Variants in BTBD9 observed in about 807,000 individuals in gnomAD.
The protein encoded by BTBD9 is BTB/POZ domain-containing protein 9.
Under a neutral mutation model 64.3 loss-of-function variants are expected in BTBD9, and 49 were observed. That is an observed-to-expected ratio of 0.76 (90% CI 0.61 to 0.97). The LOEUF (loss-of-function observed/expected upper bound fraction) is 0.97, where lower values mean the gene tolerates loss of function less well. Ranked by LOEUF, BTBD9 falls within the 50% of genes least tolerant of loss-of-function variation. BTBD9 has a pLI of 0.00. For synonymous variants in BTBD9, 260 were observed against 274.7 expected (o/e 0.95, Z 0.53); for missense variants, 598 against 762.1 (o/e 0.78, Z 2.53).
At chr6:38,259,498 G>A (rs1344246317) in intron 8 of BTBD9, among the ~76,000 whole-genome samples, 1 of 152,124 alleles carries the variant, frequency 6.6e-6, no homozygotes, top group African/African-American at 2.4e-5. Context: ...AAACTCCTGG[G>A]CTAAAGCAAT....
At chr6:38,421,507 C>T (rs572031212) in intron 6 of BTBD9, among the ~76,000 whole-genome samples, 13 of 152,228 alleles carry the variant, frequency 8.5e-5, no homozygotes, top group African/African-American at 1.4e-4. Flanking sequence ...AGCCTGACTT[C>T]GGTCTTCCTT....
Position 38,169,343 on chromosome 6 carries a change from C to T in BTBD9, c.*5642G>A, listed in dbSNP as rs1453634891. 1.3e-5 allele frequency: 2 copies of T among 152,340 alleles called. No homozygotes were observed. Among genetic ancestry groups the T allele is most frequent in the Non-Finnish European group, 2.9e-5 (2 of 68,142 alleles). 9.4% of individuals were successfully genotyped at this position (152,340 alleles called of 1,614,324 possible). The stretch of plus-strand genomic sequence containing the variant: ...GGGGCTGTGGTGCAGGAGCAGCCAC[C>T]AGGGCAGCACCAGGAGGCAAAGGCC... On this transcript the variant is annotated 3_prime_UTR_variant, in exon 11 of 11. Coordinates refer to ENST00000481247, the MANE Select transcript of BTBD9 (RefSeq NM_001099272.2).
intron 6 of BTBD9, among the ~76,000 whole-genome samples, chr6:38,565,603 A>G (rs528409346): frequency 6.6e-6 from 1 of 152,234 alleles, no homozygotes. Flanking sequence ...AAATCTGCAT[A>G]AAACAAATGA....
chr6:38,464,019 G>A (rs1014941146), intron 6 of BTBD9, among the ~76,000 whole-genome samples: 12 of 152,098 alleles, frequency 7.9e-5, no homozygotes, highest in African/African-American at 2.9e-4. Flanking sequence ...GGAACAAAGT[G>A]AGACCGTCTC....
chr6:38,391,797 A>C (rs1766429496), intron 6 of BTBD9, among the ~76,000 whole-genome samples: 1 of 152,214 alleles, frequency 6.6e-6, no homozygotes, highest in Admixed American at 6.5e-5. Flanking sequence ...GCGAAAAGGC[A>C]GGTGGCTCCC....
chr6:38,392,920 G>A (rs1407722037), intron 6 of BTBD9, among the ~76,000 whole-genome samples: 1 of 147,114 alleles, frequency 6.8e-6, no homozygotes, highest in Non-Finnish European at 1.5e-5. Flanking sequence ...TATCGCTCAG[G>A]CTAGAGTGCA....
rs957171305 is a variant in BTBD9 at position 38,374,739 on chromosome 6, C to T, written c.1155-29646G>A. Among the ~76,000 whole-genome samples the T allele has an allele frequency of 1.6e-4, 24 of 152,232 alleles. No homozygotes were observed. The South Asian group carries it at 1.7e-3, about 11-fold the overall frequency. On this transcript the variant is annotated intron_variant, in intron 6 of 10. Transcript: ENST00000481247. The stretch of plus-strand genomic sequence containing the variant: ...AACTAACCCTGCATAGAAATCAGCA[C>T]GAAATCAATACCTTTTATGTGGCCC...
chr6:38,229,427 C>T (rs1346394955), intron 9 of BTBD9, among the ~76,000 whole-genome samples: 2 of 152,112 alleles, frequency 1.3e-5, no homozygotes, highest in African/African-American at 2.4e-5. Flanking sequence ...CCTACAGCCC[C>T]TTTGATGGTT....
At chr6:38,401,013 T>C (rs931445234) in intron 6 of BTBD9, among the ~76,000 whole-genome samples, 15 of 152,200 alleles carry the variant, frequency 9.9e-5, no homozygotes, top group Non-Finnish European at 2.1e-4. Context: ...TAGGACATCA[T>C]ATTACTCTCT....
intron 6 of BTBD9, among the ~76,000 whole-genome samples, chr6:38,383,615 A>T (rs1766029880): frequency 6.6e-6 from 1 of 152,252 alleles, no homozygotes; most frequent in Admixed American, 6.5e-5. Context: ...GATGTAGCAG[A>T]TATGGAGAAA....
At chr6:38,246,503 C>A (rs2127528268) in intron 9 of BTBD9, among the ~76,000 whole-genome samples, 1 of 151,882 alleles carries the variant, frequency 6.6e-6, no homozygotes, top group Admixed American at 6.6e-5. Flanking sequence ...CTATTTTCTT[C>A]ATTTTTCATT....
chr6:38,421,745 C>G (rs191094349), intron 6 of BTBD9, among the ~76,000 whole-genome samples: 2 of 152,264 alleles, frequency 1.3e-5, no homozygotes, highest in Admixed American at 1.3e-4. Flanking sequence ...TTAGCAGACA[C>G]TAGAAGTTCT....
intron 7 of BTBD9, among the ~76,000 whole-genome samples, chr6:38,328,569 G>GTC (rs1763532915): frequency 1.9e-5 from 1 of 52,712 alleles, no homozygotes; most frequent in Non-Finnish European, 6.0e-5. Flanking sequence ...GCCACCGTGT[G>GTC]TGTGTGTGTG....
intron 6 of BTBD9, among the ~76,000 whole-genome samples, chr6:38,555,049 C>T (rs571335113): frequency 2.0e-5 from 3 of 152,212 alleles, no homozygotes; most frequent in Non-Finnish European, 4.4e-5. Flanking sequence ...CCAGTACCCC[C>T]AAACTGGAAA....
intron 1 of BTBD9, among the ~76,000 whole-genome samples, chr6:38,617,845 A>G (rs894197814): frequency 6.6e-6 from 1 of 151,974 alleles, no homozygotes; most frequent in African/African-American, 2.4e-5. Flanking sequence ...AACACTTAGG[A>G]CTCTAACTAA....
chr6:38,626,598 C>T (rs937313921), intron 1 of BTBD9, among the ~76,000 whole-genome samples: 1 of 152,158 alleles, frequency 6.6e-6, no homozygotes, highest in East Asian at 1.9e-4. Context: ...TTCCCAGCTC[C>T]ACCTGAATTA....
chr6:38,288,316 CGCACCACTTCCTA>C lies in BTBD9; in HGVS notation c.1397_1409del (p.Leu466ArgfsTer11). On this transcript the variant is annotated frameshift_variant, in exon 8 of 11. Transcript: ENST00000481247. LOFTEE classifies it high-confidence loss of function. ...ACGGTTGTGCCAACTGAACCACAAT[CGCACCACTTCCTA>C]GCTGGTGACATGTGTAGCCAGAATC... 1.2e-6 allele frequency: 2 copies of C among 1,614,118 alleles called. No homozygotes were observed. The highest frequency in any genetic ancestry group is 1.7e-6 in the Non-Finnish European group (2 of 1,179,984).
At chr6:38,393,740 G>A (rs12206117) in intron 6 of BTBD9, among the ~76,000 whole-genome samples, 3,890 of 152,264 alleles carry the variant, frequency 0.026, 78 homozygotes, top group Non-Finnish European at 0.038. Flanking sequence ...ACTTACAGGG[G>A]AATGTCTGCA....
rs1434587818 is a variant in BTBD9, at chr6:38,594,340, G to A, written c.186-13C>T. The A allele has an allele frequency of 6.4e-7, 1 of 1,570,446 alleles. No individual in the cohort carries two copies. The highest frequency in any genetic ancestry group is 1.4e-5 in the African/African-American group (1 of 73,400). Reference sequence around the variant, plus strand: ...ATATAATAATGCTCTGCACATCAGGGAAGAAACACATGAAGAAACCCTCAA... The same window carrying A: ...ATATAATAATGCTCTGCACATCAGGAAAGAAACACATGAAGAAACCCTCAA... On this transcript the variant is annotated splice_polypyrimidine_tract_variant and intron_variant, in intron 2 of 10. Coordinates refer to ENST00000481247, the MANE Select transcript of BTBD9 (RefSeq NM_001099272.2).
Sources: allele counts gnomAD v4.1 joint callset (sites outside exome capture counted in the v4.1 genomes callset), GRCh38; gene constraint gnomAD v4.1.1; transcripts MANE v1.5; gene names NCBI Gene and HGNC (gene_info 2026-07-23, HGNC 2026-07-21).